The following CSMD1 variants were observed in gnomAD, a reference collection of about 807,000 sequenced individuals.
CSMD1 encodes CUB and Sushi multiple domains 1, also known as CUB and sushi domain-containing protein 1.
Under a neutral mutation model 417.5 loss-of-function variants are expected in CSMD1, and 213 were observed. The ratio of observed to expected loss-of-function variants is 0.51; its 90% CI spans 0.46 to 0.57. The LOEUF is 0.57. Ranked by LOEUF, CSMD1 falls within the 20% of genes least tolerant of loss-of-function variation. CSMD1 has a pLI of 0.00. For synonymous variants in CSMD1, 2,862 were observed against 1,736.8 expected (o/e 1.65, Z -16.11); for missense variants, 6,923 against 4,529.7 (o/e 1.53, Z -15.17).
rs370068443 is a variant in CSMD1 at position 3,503,155 on chromosome 8, G to A, written c.1345-9429C>T. On this transcript the variant is annotated intron_variant, in intron 10 of 69. Transcript: ENST00000635120. ...TATACAGTGTGAAATTACAAAGACT[G>A]AATTTCAACCTAGAAAAAAGTACTT... Among the ~76,000 whole-genome samples the A allele has an allele frequency of 1.3e-4, 20 of 152,258 alleles. No individual in the cohort carries two copies. The East Asian group carries it at 1.7e-3, about 13-fold the overall frequency.
chr8:3,623,345 C>A (rs944640197), intron 7 of CSMD1, among the ~76,000 whole-genome samples: 1 of 152,156 alleles, frequency 6.6e-6, no homozygotes, highest in African/African-American at 2.4e-5. Context: ...AATTAAAACT[C>A]AACATGAATT....
Position 4,474,642 on chromosome 8 carries a change from A to G in CSMD1, c.303-54577T>C, listed in dbSNP as rs371257755. Among the ~76,000 whole-genome samples the G allele has an allele frequency of 1.1e-3, 175 of 152,250 alleles. 1 individual carries two copies. Among genetic ancestry groups the G allele is most frequent in the African/African-American group, 3.9e-3 (162 of 41,552 alleles). On this transcript the variant is annotated intron_variant, in intron 2 of 69. Transcript: ENST00000635120. ...ATTCCTGGGTGCCCTCAGGAATTAC[A>G]GAGTAAACTCTTACACAGTTGACGT...
intron 52 of CSMD1, among the ~76,000 whole-genome samples, chr8:3,003,123 A>G (rs1325666273): frequency 1.3e-5 from 2 of 152,326 alleles, no homozygotes; most frequent in Middle Eastern, 3.4e-3. Flanking sequence ...GACCAATTAT[A>G]GTCTATTACA....
intron 3 of CSMD1, among the ~76,000 whole-genome samples, chr8:4,079,963 A>C (rs1373327416): frequency 6.6e-6 from 1 of 151,838 alleles, no homozygotes; most frequent in Non-Finnish European, 1.5e-5. Context: ...TAATATAAAA[A>C]ATAATTTAAA....
At chr8:2,999,396 C>G (rs1194456910) in intron 53 of CSMD1, among the ~76,000 whole-genome samples, 1 of 152,108 alleles carries the variant, frequency 6.6e-6, no homozygotes, top group Admixed American at 6.5e-5. Flanking sequence ...TCAGGTGATC[C>G]ACCTGCCTCA....
intron 26 of CSMD1, among the ~76,000 whole-genome samples, chr8:3,268,569 A>T (rs970938282): frequency 6.6e-6 from 1 of 151,852 alleles, no homozygotes; most frequent in Non-Finnish European, 1.5e-5. Context: ...TACAGGCGTG[A>T]GCCACCGTGC....
chr8:4,215,848 T>C (rs1800636982), intron 3 of CSMD1, among the ~76,000 whole-genome samples: 1 of 152,136 alleles, frequency 6.6e-6, no homozygotes, highest in Non-Finnish European at 1.5e-5. Flanking sequence ...AAAGGCAGGG[T>C]TTATGTGATT....
chr8:3,321,098 C>A (rs550718234), intron 23 of CSMD1, among the ~76,000 whole-genome samples: 1 of 152,274 alleles, frequency 6.6e-6, no homozygotes, highest in Non-Finnish European at 1.5e-5. Flanking sequence ...TTCCACTGCT[C>A]CTGTCAACCT....
At chr8:3,194,048 A>G (rs908115803) in intron 33 of CSMD1, among the ~76,000 whole-genome samples, 8 of 152,226 alleles carry the variant, frequency 5.3e-5, no homozygotes, top group Non-Finnish European at 8.8e-5. Flanking sequence ...TCTCAAAATC[A>G]TTCCTCTCTC....
At chr8:3,534,273 C>G (rs9644341) in intron 10 of CSMD1, among the ~76,000 whole-genome samples, 85,222 of 151,962 alleles carry the variant, frequency 0.56, 24,147 homozygotes, top group East Asian at 0.78. Flanking sequence ...ATTAATCTTT[C>G]TTTTGAAAAT....
chr8:4,080,534 C>T (rs1008329830), intron 3 of CSMD1, among the ~76,000 whole-genome samples: 1 of 152,130 alleles, frequency 6.6e-6, no homozygotes, highest in Non-Finnish European at 1.5e-5. Flanking sequence ...ACTGTCTTGT[C>T]CAACACATAG....
At chr8:3,742,004 A>AT (rs1489478588) in intron 6 of CSMD1, among the ~76,000 whole-genome samples, 3 of 149,872 alleles carry the variant, frequency 2.0e-5, no homozygotes, top group Non-Finnish European at 4.4e-5. Flanking sequence ...AACCCTGCAA[A>AT]TTGCCTTTCG....
intron 3 of CSMD1, among the ~76,000 whole-genome samples, chr8:4,055,265 A>G (rs1160815317): frequency 6.6e-6 from 1 of 152,168 alleles, no homozygotes; most frequent in Non-Finnish European, 1.5e-5. Context: ...AATTCAGGTT[A>G]AACAATTTTT....
At chr8:2,974,123 G>GGATGATGGTAGAC (rs1483926300) in intron 56 of CSMD1, among the ~76,000 whole-genome samples, 1 of 151,880 alleles carries the variant, frequency 6.6e-6, no homozygotes, top group African/African-American at 2.4e-5. Context: ...TGATGGTAGA[G>GGATGATGGTAGAC]GGAGGGAAAA....
At chr8:3,070,066 G>A (rs1051500121) in intron 49 of CSMD1, among the ~76,000 whole-genome samples, 28 of 152,234 alleles carry the variant, frequency 1.8e-4, no homozygotes, top group Non-Finnish European at 5.9e-5. Context: ...CAGCCAGTAT[G>A]CGGAAAGCAG....
chr8:3,131,847 GA>G (rs1012519730), intron 41 of CSMD1, among the ~76,000 whole-genome samples: 4 of 152,194 alleles, frequency 2.6e-5, no homozygotes, highest in African/African-American at 7.2e-5. Context: ...AGCTTAAGGG[GA>G]AAAATACATA....
At chr8:4,481,954 C>T (rs985101445) in intron 2 of CSMD1, among the ~76,000 whole-genome samples, 1 of 152,070 alleles carries the variant, frequency 6.6e-6, no homozygotes, top group African/African-American at 2.4e-5. Flanking sequence ...GCTTTATGAT[C>T]CATTACTCTT....
At chr8:4,243,081 A>G (rs1802496965) in intron 3 of CSMD1, among the ~76,000 whole-genome samples, 1 of 152,120 alleles carries the variant, frequency 6.6e-6, no homozygotes, top group Non-Finnish European at 1.5e-5. Flanking sequence ...CTTTCTTGCC[A>G]TGAGGTCTTA....
chr8:3,394,919 G>A (rs1811595414), intron 17 of CSMD1, among the ~76,000 whole-genome samples: 1 of 152,120 alleles, frequency 6.6e-6, no homozygotes, highest in South Asian at 2.1e-4. Flanking sequence ...TCCTGATATT[G>A]GAATATTTTT....
Sources: gnomAD v4.1 joint callset for allele counts (sites outside exome capture counted in the v4.1 genomes callset) on GRCh38, gnomAD v4.1.1 for gene constraint, MANE v1.5 for transcripts, NCBI Gene and HGNC (gene_info 2026-07-23, HGNC 2026-07-21) for gene names.